Variants in ARID2 observed in about 807,000 individuals in gnomAD.
The protein encoded by ARID2 is AT-rich interactive domain-containing protein 2.
A neutral mutation model predicts 184.6 loss-of-function variants in ARID2; 32 were observed. The observed-to-expected ratio is 0.17, with a 90% CI of 0.13 to 0.23. The LOEUF (loss-of-function observed/expected upper bound fraction) is 0.23, where lower values mean the gene tolerates loss of function less well. Among genes scored for constraint, ARID2 ranks in the 10% least tolerant of loss-of-function variants. The pLI is 1.00. For synonymous variants in ARID2, 836 were observed against 772.6 expected (o/e 1.08, Z -1.36); for missense variants, 1,696 against 2,197.6 (o/e 0.77, Z 4.56).
intron 16 of ARID2, among the ~76,000 whole-genome samples, chr12:45,883,045 G>C (rs1008459165): frequency 1.3e-5 from 2 of 152,104 alleles, no homozygotes; most frequent in Admixed American, 1.3e-4. Context: ...TTTTGTGTGA[G>C]AGCGCTAAAA....
At chr12:45,874,712 C>T (rs900077033) in intron 16 of ARID2, among the ~76,000 whole-genome samples, 1 of 152,190 alleles carries the variant, frequency 6.6e-6, no homozygotes, top group Non-Finnish European at 1.5e-5. Context: ...CCATGAATCA[C>T]GAATGTTCTT....
intron 3 of ARID2, among the ~76,000 whole-genome samples, chr12:45,744,452 A>G (rs1249430765): frequency 6.6e-6 from 1 of 152,084 alleles, no homozygotes; most frequent in Non-Finnish European, 1.5e-5. Context: ...TACATTTTTA[A>G]AATTCCATTT....
chr12:45,807,914 A>T (rs910962265), intron 3 of ARID2, among the ~76,000 whole-genome samples: 1 of 152,140 alleles, frequency 6.6e-6, no homozygotes, highest in African/African-American at 2.4e-5. Flanking sequence ...AATAGTGCTG[A>T]TATTATTTGA....
Position 45,744,944 on chromosome 12 carries a change from C to T in ARID2, c.284+13630C>T, listed in dbSNP as rs139019621. The stretch of plus-strand genomic sequence containing the variant: ...GCTTGGAACATCCCTCCTTCTTTGG[C>T]CCCCTCTTTATAAACTATGGAGGTT... On this transcript the variant is annotated intron_variant, in intron 3 of 20. Transcript: ENST00000334344. Among the ~76,000 whole-genome samples the T allele has an allele frequency of 5.6e-4, 86 of 152,236 alleles. No homozygotes were observed. The Middle Eastern group carries it at 0.02, about 36-fold the overall frequency.
intron 6 of ARID2, among the ~76,000 whole-genome samples, chr12:45,824,871 AT>A: frequency 6.7e-6 from 1 of 149,564 alleles, no homozygotes; most frequent in Admixed American, 6.7e-5. Context: ...ATATACATAT[AT>A]ATATATATAT....
intron 3 of ARID2, among the ~76,000 whole-genome samples, chr12:45,777,500 TTTC>T (rs1384215766): frequency 1.3e-5 from 2 of 152,070 alleles, no homozygotes; most frequent in African/African-American, 2.4e-5. Context: ...TCTTTGGGCC[TTTC>T]TTCTTAATAA....
At chr12:45,739,438 CTTTTTT>C (rs71067906) in intron 3 of ARID2, among the ~76,000 whole-genome samples, 79 of 90,754 alleles carry the variant, frequency 8.7e-4, no homozygotes, top group Middle Eastern at 0.016. Flanking sequence ...TATAAAGTTA[CTTTTTT>C]TTTTTTTTTT....
intron 16 of ARID2, among the ~76,000 whole-genome samples, chr12:45,865,431 CATTT>C (rs2138197762): frequency 6.6e-6 from 1 of 151,918 alleles, no homozygotes; most frequent in South Asian, 2.1e-4. Flanking sequence ...TTTTTACAAT[CATTT>C]GTAAAAGAAA....
intron 16 of ARID2, among the ~76,000 whole-genome samples, chr12:45,871,206 T>C (rs1366585016): frequency 6.6e-6 from 1 of 152,248 alleles, no homozygotes; most frequent in Admixed American, 6.5e-5. Flanking sequence ...TAAAAACATA[T>C]GATGCTGAGC....
At chr12:45,857,883 C>T (rs1036108325) in intron 15 of ARID2, among the ~76,000 whole-genome samples, 12 of 152,082 alleles carry the variant, frequency 7.9e-5, no homozygotes, top group African/African-American at 2.9e-4. Context: ...CTTCAGCCTC[C>T]CGAGTGGCTG....
At chr12:45,786,323 A>G (rs1287756353) in intron 3 of ARID2, among the ~76,000 whole-genome samples, 1 of 152,228 alleles carries the variant, frequency 6.6e-6, no homozygotes, top group Non-Finnish European at 1.5e-5. Flanking sequence ...TATCCTTATA[A>G]GTATGGTGAC....
At chr12:45,856,067 C>CTTTTTTTTTTTTTT (rs930473740) in intron 15 of ARID2, among the ~76,000 whole-genome samples, 43 of 74,616 alleles carry the variant, frequency 5.8e-4, no homozygotes, top group Non-Finnish European at 9.0e-4. Flanking sequence ...TTCTTCTTTT[C>CTTTTTTTTTTTTTT]TTTTTTTTTT....
rs560544727 is a variant in ARID2, at chr12:45,907,041, G to A, written c.*1963G>A. 9 of 231,484 alleles carry A rather than the reference G, an allele frequency of 3.9e-5. No individual in the cohort carries two copies. The highest frequency in any genetic ancestry group is 7.7e-5 in the Non-Finnish European group (9 of 117,084). 14.3% of individuals were successfully genotyped at this position (231,484 alleles called of 1,614,324 possible). A position where few individuals can be genotyped will look rare whatever the true frequency, so the allele number is the denominator to read the frequency against. On this transcript the variant is annotated 3_prime_UTR_variant, in exon 21 of 21. Coordinates refer to ENST00000334344, the MANE Select transcript of ARID2 (RefSeq NM_152641.4). ...TTCTTCCTGAAGGAGGATCCCTGGCGCTGTCCTGCCATGTCTCAAAGGAAT... is the reference window on the plus strand; with the variant it reads ...TTCTTCCTGAAGGAGGATCCCTGGCACTGTCCTGCCATGTCTCAAAGGAAT...
intron 16 of ARID2, among the ~76,000 whole-genome samples, chr12:45,886,626 A>G (rs1944196606): frequency 6.6e-6 from 1 of 152,140 alleles, no homozygotes; most frequent in South Asian, 2.1e-4. Context: ...GTTTCCATAC[A>G]TCCTCTGAAA....
intron 2 of ARID2, among the ~76,000 whole-genome samples, chr12:45,730,399 C>T (rs1326431824): frequency 2.1e-5 from 3 of 144,288 alleles, no homozygotes; most frequent in South Asian, 2.3e-4. Flanking sequence ...CCGGTCGGGC[C>T]GGCGGGGTCT....
At chr12:45,871,067 G>A (rs1943919144) in intron 16 of ARID2, among the ~76,000 whole-genome samples, 1 of 152,172 alleles carries the variant, frequency 6.6e-6, no homozygotes, top group Non-Finnish European at 1.5e-5. Flanking sequence ...GTACGATTTT[G>A]TATTCCTACC....
intron 20 of ARID2, chr12:45,904,314 T>G: frequency 4.2e-6 from 3 of 715,966 alleles, no homozygotes; most frequent in Non-Finnish European, 7.8e-6. Flanking sequence ...TCCAGCTGTT[T>G]TCTGACACCA....
At chr12:45,747,015 C>T (rs555518653) in intron 3 of ARID2, among the ~76,000 whole-genome samples, 13 of 152,176 alleles carry the variant, frequency 8.5e-5, no homozygotes, top group Admixed American at 2.6e-4. Flanking sequence ...GTGATCCGCC[C>T]GCCTCAGCCT....
Position 45,893,542 on chromosome 12 carries a change from C to G in ARID2, c.5270C>G (p.Thr1757Arg), listed in dbSNP as rs2136462522. 6.2e-7 allele frequency: 1 copy of G among 1,613,658 alleles called. No homozygotes were observed. Among genetic ancestry groups the G allele is most frequent in the Non-Finnish European group, 8.5e-7 (1 of 1,179,730 alleles). Residue 1757 changes from threonine (T) to arginine (R), a missense_variant and splice_region_variant, in exon 19 of 21, where the codon ACA becomes AGA. Coordinates refer to ENST00000334344, the MANE Select transcript of ARID2 (RefSeq NM_152641.4). Reference sequence around the variant, plus strand: ...AGAAACCTTGTCTTTCGAGATTTTACAGTAAGCATGCCTTGAAACCCTTAT... The same window carrying G: ...AGAAACCTTGTCTTTCGAGATTTTAGAGTAAGCATGCCTTGAAACCCTTAT... ...GSRNLVFRDF[T>R]DEKEGPITKH...
Sources: gnomAD v4.1 joint callset for allele counts (sites outside exome capture counted in the v4.1 genomes callset) on GRCh38, gnomAD v4.1.1 for gene constraint, MANE v1.5 for transcripts, NCBI Gene and HGNC (gene_info 2026-07-23, HGNC 2026-07-21) for gene names.